The following IQGAP2 variants were observed in gnomAD, a reference collection of about 807,000 sequenced individuals.
IQGAP2 encodes the protein ras GTPase-activating-like protein IQGAP2.
In IQGAP2, 173 loss-of-function variants were observed where a neutral mutation model predicts 201.3. That is an observed-to-expected ratio of 0.86 (90% confidence interval 0.76 to 0.98). The LOEUF (loss-of-function observed/expected upper bound fraction) is 0.98, where lower values mean the gene tolerates loss of function less well. Among genes scored for constraint, IQGAP2 ranks in the 50% least tolerant of loss-of-function variants. The pLI, the probability that IQGAP2 is intolerant of heterozygous loss-of-function variation, is 0.00. For missense variants in IQGAP2, 1,687 were observed against 1,864.8 expected (o/e 0.90, Z 1.76); for synonymous variants, 675 against 673.9 (o/e 1.00, Z -0.03).
chr5:76,488,070 G>A (rs1183110838), intron 2 of IQGAP2, among the ~76,000 whole-genome samples: 3 of 152,180 alleles, frequency 2.0e-5, no homozygotes, highest in African/African-American at 7.2e-5. Flanking sequence ...CTCATCTGTG[G>A]TTTTCTTGGG....
chr5:76,595,026 G>A (rs1042516916), intron 9 of IQGAP2, among the ~76,000 whole-genome samples: 1 of 151,768 alleles, frequency 6.6e-6, no homozygotes, highest in African/African-American at 2.4e-5. Flanking sequence ...CCTCAACCAT[G>A]TAGGTTATTA....
intron 5 of IQGAP2, 30 bp downstream of exon 5, chr5:76,575,799 C>T: frequency 7.8e-7 from 1 of 1,274,220 alleles, no homozygotes; most frequent in Non-Finnish European, 1.1e-6. Context: ...AAAAGGTGCT[C>T]TAAGAAGTAG....
chr5:76,500,371 TA>T (rs1380894385), intron 2 of IQGAP2, among the ~76,000 whole-genome samples: 2 of 152,196 alleles, frequency 1.3e-5, no homozygotes, highest in Non-Finnish European at 2.9e-5. Flanking sequence ...TGCTATAACT[TA>T]AAATTTTTTT....
chr5:76,501,089 G>A (rs1757248948), intron 2 of IQGAP2, among the ~76,000 whole-genome samples: 1 of 152,096 alleles, frequency 6.6e-6, no homozygotes. Flanking sequence ...GACGTTATGG[G>A]AACTTGCTTA....
At chr5:76,493,380 C>T (rs895839953) in intron 2 of IQGAP2, among the ~76,000 whole-genome samples, 3 of 151,932 alleles carry the variant, frequency 2.0e-5, no homozygotes. Context: ...CCCCAAGGCC[C>T]CTCCTTCCCT....
intron 7 of IQGAP2, 113 bp from the exon 8 acceptor site, chr5:76,590,295 C>G: frequency 3.8e-6 from 3 of 797,410 alleles, no homozygotes; most frequent in Non-Finnish European, 2.0e-6. Context: ...GACATATTTA[C>G]TGGAAGCCAA....
chr5:76,512,054 G>A (rs1758001562), intron 2 of IQGAP2, among the ~76,000 whole-genome samples: 1 of 152,152 alleles, frequency 6.6e-6, no homozygotes, highest in Admixed American at 6.5e-5. Context: ...ATATTACATT[G>A]CAGATTGTCT....
At chr5:76,601,334 C>A (rs920015565) in intron 11 of IQGAP2, among the ~76,000 whole-genome samples, 12 of 152,244 alleles carry the variant, frequency 7.9e-5, no homozygotes, top group Admixed American at 7.2e-4. Context: ...CAGTCCAATT[C>A]TTTTATGTCA....
chr5:76,492,164 C>A (rs1420492049), intron 2 of IQGAP2, among the ~76,000 whole-genome samples: 1 of 152,136 alleles, frequency 6.6e-6, no homozygotes, highest in Admixed American at 6.5e-5. Context: ...GCATTTGGCC[C>A]CAGTAGTTCT....
intron 13 of IQGAP2, chr5:76,617,678 A>C: frequency 2.5e-6 from 4 of 1,614,124 alleles, no homozygotes; most frequent in Non-Finnish European, 3.4e-6. Context: ...CCAGGCACAA[A>C]GCTATGAGAT....
At chr5:76,594,507 T>C (rs1746878478) in intron 9 of IQGAP2, among the ~76,000 whole-genome samples, 1 of 152,050 alleles carries the variant, frequency 6.6e-6, no homozygotes, top group African/African-American at 2.4e-5. Flanking sequence ...CGGCTGAAAA[T>C]ATGAAAGCAA....
chr5:76,694,644 G>C (rs1746563471), intron 31 of IQGAP2, among the ~76,000 whole-genome samples: 1 of 152,216 alleles, frequency 6.6e-6, no homozygotes, highest in South Asian at 2.1e-4. Flanking sequence ...GCTCAACAAT[G>C]TTGGCTGCTG....
At position 76,683,833 on chromosome 5, in the gene IQGAP2, C is replaced by T; in HGVS notation, c.3821C>T (p.Ser1274Leu). Reference protein sequence around the residue: ...PNKANTLSQLSKTEISLVLTS... With the variant: ...PNKANTLSQLLKTEISLVLTS... ...AAGGCAAATACACTAAGTCAGCTTT[C>T]AAAGACCGAGATTTCTCTTGTCTTG... Residue 1274 changes from serine (S) to leucine (L), a missense_variant, in exon 30 of 36, where the codon TCA (serine) becomes TTA (leucine). Transcript: ENST00000274364. The T allele has an allele frequency of 6.2e-7, 1 of 1,613,720 alleles. No individual in the cohort carries two copies. Among genetic ancestry groups the T allele is most frequent in the Non-Finnish European group, 8.5e-7 (1 of 1,179,792 alleles).
intron 2 of IQGAP2, among the ~76,000 whole-genome samples, chr5:76,543,654 T>C (rs1742920292): frequency 1.3e-5 from 2 of 152,234 alleles, no homozygotes; most frequent in East Asian, 1.9e-4. Flanking sequence ...ATCAATCTCT[T>C]CTTATCTGTC....
At chr5:76,466,224 C>T (rs1754767623) in intron 2 of IQGAP2, among the ~76,000 whole-genome samples, 1 of 152,110 alleles carries the variant, frequency 6.6e-6, no homozygotes, top group African/African-American at 2.4e-5. Flanking sequence ...ACCAGTAGAC[C>T]TAGCTACTCT....
rs745984635 is a variant in IQGAP2 at position 76,403,506 on chromosome 5, CG to C, written c.-34del. 2,666 of 1,437,256 alleles carry C rather than the reference CG, an allele frequency of 1.9e-3. 1 individual carries two copies. Among genetic ancestry groups the C allele is most frequent in the Non-Finnish European group, 2.3e-3 (2,575 of 1,101,616 alleles). 89.0% of individuals were successfully genotyped at this position (1,437,256 alleles called of 1,614,324 possible). On this transcript the variant is annotated 5_prime_UTR_variant, in exon 1 of 36. Transcript: ENST00000274364. The surrounding 1 kb of genome is among the most constrained non-coding windows in gnomAD (Gnocchi z 4.8). ...CGAGCCTGGCCAGCGAGGGTAGCCG[CG>C]GGGGGCGCGCCCCGGGCGGGCCCCC...
intron 28 of IQGAP2, among the ~76,000 whole-genome samples, chr5:76,681,541 A>G (rs958772726): frequency 6.6e-6 from 1 of 152,074 alleles, no homozygotes; most frequent in African/African-American, 2.4e-5. Context: ...TTAAAAAAAA[A>G]AAAACAGAAA....
intron 2 of IQGAP2, among the ~76,000 whole-genome samples, chr5:76,476,011 C>T (rs922712784): frequency 4.6e-5 from 7 of 151,916 alleles, no homozygotes; most frequent in African/African-American, 1.5e-4. Context: ...CAAGGAACCA[C>T]CTACAATGAG....
At chr5:76,515,235 G>A (rs1758240853) in intron 2 of IQGAP2, among the ~76,000 whole-genome samples, 2 of 152,188 alleles carry the variant, frequency 1.3e-5, no homozygotes, top group Non-Finnish European at 2.9e-5. Context: ...ACAAAGGGTT[G>A]CCTTTACCTA....
Sources: allele counts gnomAD v4.1 joint callset (sites outside exome capture counted in the v4.1 genomes callset), GRCh38; gene constraint gnomAD v4.1.1; non-coding constraint Gnocchi (gnomAD v3.1); transcripts MANE v1.5; gene names NCBI Gene and HGNC (gene_info 2026-07-23, HGNC 2026-07-21).